The following IL16 variants were observed in gnomAD, a reference collection of about 807,000 sequenced individuals.
IL16 encodes the protein interleukin 16.
In IL16, 67 loss-of-function variants were observed where a neutral mutation model predicts 110.1. The ratio of observed to expected loss-of-function variants is 0.61; its 90% CI spans 0.50 to 0.75. The LOEUF is 0.75. Among genes scored for constraint, IL16 ranks in the 30% least tolerant of loss-of-function variants. The probability of loss-of-function intolerance (pLI) is 0.00; values close to 1 mark genes in which losing one functional copy is unlikely to be tolerated. For synonymous variants in IL16, 689 were observed against 662.9 expected (o/e 1.04, Z -0.61); for missense variants, 1,545 against 1,655.0 (o/e 0.93, Z 1.15).
At chr15:81,297,462 G>GC (rs1900045477) in intron 13 of IL16, among the ~76,000 whole-genome samples, 1 of 152,204 alleles carries the variant, frequency 6.6e-6, no homozygotes, top group African/African-American at 2.4e-5. Flanking sequence ...GTCAGAGAAT[G>GC]CAACGCCAGA....
At chr15:81,256,997 A>T (rs1475835474) in intron 2 of IL16, among the ~76,000 whole-genome samples, 1 of 152,242 alleles carries the variant, frequency 6.6e-6, no homozygotes, top group Non-Finnish European at 1.5e-5. Flanking sequence ...ATTGTGTTTT[A>T]TGAAGCATTG....
intron 1 of IL16, among the ~76,000 whole-genome samples, chr15:81,208,942 G>T: frequency 6.6e-6 from 1 of 152,136 alleles, no homozygotes; most frequent in East Asian, 1.9e-4. Flanking sequence ...ATCTCATATG[G>T]ATATTATAAG....
At chr15:81,288,829 A>ATGTGTATG (rs61227218) in intron 10 of IL16, among the ~76,000 whole-genome samples, 22,447 of 140,844 alleles carry the variant, frequency 0.16, 1,744 homozygotes, top group East Asian at 0.33. Flanking sequence ...TAGTATGTGT[A>ATGTGTATG]TGTGTGTGTG....
chr15:81,269,625 G>A lies in IL16; in HGVS notation c.652G>A (p.Val218Met), dbSNP rs376544346. 3.0e-5 allele frequency: 48 copies of A among 1,613,454 alleles called. No homozygotes were observed. The highest frequency in any genetic ancestry group is 3.6e-5 in the Non-Finnish European group (43 of 1,179,480). Residue 218 changes from valine to methionine, a missense_variant, in exon 5 of 19, where the codon GTG becomes ATG. Physicochemically the swap from Val to Met is conservative, Grantham distance 21 (BLOSUM62 1). Transcript: ENST00000683961. ...GLQASVISNI[V>M]LMKGQAKGLG... The stretch of plus-strand genomic sequence containing the variant: ...CCAGGCTTCAGTCATCTCCAACATC[G>A]TGCTGATGAAGGGCCAGGCTAAGGT...
chr15:81,299,514 A>G lies in IL16; in HGVS notation c.2188A>G (p.Ser730Gly). 6.2e-7 allele frequency: 1 copy of G among 1,614,210 alleles called. No individual in the cohort carries two copies. The highest frequency in any genetic ancestry group is 8.5e-7 in the Non-Finnish European group (1 of 1,180,026). The change falls in exon 14 of 19, where the codon AGT becomes GGT. Residue 730 changes from serine (S) to glycine (G), a missense_variant. Coordinates refer to ENST00000683961, the MANE Select transcript of IL16 (RefSeq NM_172217.5). The part of the protein sequence containing the change: ...CIKNLFSPIM[S>G]ENHGHMPLQP... ...CAAAAACTTATTTAGCCCCATCATG[A>G]GTGAGAACCATGGCCACATGCCTCT...
rs964294705 is a variant in IL16, at chr15:81,225,576, A to G, written c.177A>G (p.Ser59=). The change falls in exon 2 of 19, where the codon TCA becomes TCG. Residue 59 remains serine, a synonymous_variant. Transcript: ENST00000683961. ...LAQGKEGIFH[S]SVQLADTSEA... ...AGGGCAAGGAGGGAATTTTCCACTC[A>G]TCTGTGCAGCTGGCAGACACATCGG... 3 of 1,613,940 alleles carry G rather than the reference A, an allele frequency of 1.9e-6. No homozygotes were observed. Among genetic ancestry groups the G allele is most frequent in the Non-Finnish European group, 2.5e-6 (3 of 1,179,998 alleles).
At position 81,274,135 on chromosome 15, in the gene IL16, C is replaced by G. The variant is rs372047828; in HGVS notation, c.790+931C>G. ...GCATTTTCACTCTTCTCTGTCAGCT[C>G]GCTTTCTATAAGCTATGCTGGGAGC... On this transcript the variant is annotated intron_variant, in intron 6 of 18. Transcript: ENST00000683961. 9.2e-5 allele frequency among the ~76,000 whole-genome samples: 14 copies of G among 152,284 alleles called. No individual in the cohort carries two copies. In the East Asian group the frequency reaches 2.5e-3, roughly 27 times the overall value.
chr15:81,217,546 T>C (rs1160899678), intron 1 of IL16, among the ~76,000 whole-genome samples: 1 of 152,198 alleles, frequency 6.6e-6, no homozygotes, highest in Non-Finnish European at 1.5e-5. Context: ...CAGCTTCTCT[T>C]TGCTCTTTTT....
intron 1 of IL16, among the ~76,000 whole-genome samples, chr15:81,204,932 TAA>T (rs72071083): frequency 1.3e-5 from 2 of 151,724 alleles, no homozygotes; most frequent in Non-Finnish European, 2.9e-5. Context: ...ACCATGATGA[TAA>T]AAAAATTGAC....
At chr15:81,225,912 G>T (rs372605402) in intron 2 of IL16, among the ~76,000 whole-genome samples, 2 of 152,194 alleles carry the variant, frequency 1.3e-5, no homozygotes, top group African/African-American at 2.4e-5. Flanking sequence ...TAACACTCTT[G>T]CTTGAGAGGT....
intron 8 of IL16, among the ~76,000 whole-genome samples, chr15:81,281,272 T>C (rs964870566): frequency 6.6e-6 from 1 of 152,234 alleles, no homozygotes; most frequent in Non-Finnish European, 1.5e-5. Context: ...CTGTAAATCA[T>C]ACGTGTCGAA....
chr15:81,224,868 CT>C (rs1896735317), intron 1 of IL16, among the ~76,000 whole-genome samples: 1 of 152,170 alleles, frequency 6.6e-6, no homozygotes, highest in South Asian at 2.1e-4. Flanking sequence ...GTTTTCCCAT[CT>C]TTGGTCTGCT....
At position 81,306,528 on chromosome 15, in the gene IL16, T is replaced by C. The variant is rs1900571401; in HGVS notation, c.3788T>C (p.Ile1263Thr). 1 of 1,613,342 alleles carries C rather than the reference T, an allele frequency of 6.2e-7. No homozygotes were observed. The highest frequency in any genetic ancestry group is 1.3e-5 in the African/African-American group (1 of 75,044). ...GSLHGDKPLT[I>T]NRIFKGAASE... ...CTACACGGAGACAAGCCTCTCACCA[T>C]TAACAGGATTTTCAAAGGTGTGGGG... The change falls in exon 18 of 19, where the codon ATT becomes ACT. Residue 1263 changes from isoleucine (I) to threonine (T), a missense_variant. This residue lies in a region of IL16 where 356 missense variants were observed against 399.3 expected (regional missense o/e 0.89). Coordinates refer to ENST00000683961, the MANE Select transcript of IL16 (RefSeq NM_172217.5).
At chr15:81,306,699 T>G in intron 18 of IL16, 154 bp downstream of exon 18, 1 of 852,338 alleles carries the variant, frequency 1.2e-6, no homozygotes. Context: ...TCAATTCTGC[T>G]TTTTCTACTT....
In IL16 at chr15:81,313,326, G is replaced by A; in HGVS notation, c.*4528G>A. The A allele has an allele frequency of 6.3e-7, 1 of 1,579,598 alleles. No homozygotes were observed. Among genetic ancestry groups the A allele is most frequent in the Non-Finnish European group, 8.6e-7 (1 of 1,163,250 alleles). ...CCGGGTCATGCTGCGGGGGAAGAAGGAGTCCACCACGTTCTGTGGGAGGTA... is the reference window on the plus strand; with the variant it reads ...CCGGGTCATGCTGCGGGGGAAGAAGAAGTCCACCACGTTCTGTGGGAGGTA... On this transcript the variant is annotated 3_prime_UTR_variant, in exon 19 of 19. Coordinates refer to ENST00000683961, the MANE Select transcript of IL16 (RefSeq NM_172217.5).
At chr15:81,301,599 T>C (rs1222848514) in intron 15 of IL16, 87 bp downstream of exon 15, 1 of 1,190,042 alleles carries the variant, frequency 8.4e-7, no homozygotes, top group Non-Finnish European at 1.2e-6. Flanking sequence ...GGAAGTAGCT[T>C]GAGTAGCCTG....
intron 2 of IL16, among the ~76,000 whole-genome samples, chr15:81,235,521 GC>G (rs968708538): frequency 6.6e-6 from 1 of 151,920 alleles, no homozygotes; most frequent in African/African-American, 2.4e-5. Context: ...TTCCCACTAG[GC>G]CCCCCCTCCA....
rs1352251640 is a variant in IL16 at position 81,273,115 on chromosome 15, G to A, written c.701G>A (p.Gly234Glu). Residue 234 changes from glycine (G) to glutamate (E), a missense_variant, in exon 6 of 19, where the codon GGA becomes GAA. Physicochemically the swap from Gly to Glu is moderately conservative, Grantham distance 98 (BLOSUM62 -2). This residue lies in a region of IL16 where 1,185 missense variants were observed against 1,238.8 expected (regional missense o/e 0.96). Transcript: ENST00000683961. ...GGTCTGGGCTTCAGCATCGTTGGGG[G>A]AAAAGACAGCATTTATGGCCCCATT... ...AKGLGFSIVG[G>E]KDSIYGPIGI... 1 of 1,613,498 alleles carries A rather than the reference G, an allele frequency of 6.2e-7. No homozygotes were observed. Among genetic ancestry groups the A allele is most frequent in the South Asian group, 1.1e-5 (1 of 91,058 alleles).
chr15:81,279,819 T>G (rs1163162189), intron 8 of IL16, 45 bp downstream of exon 8: 1 of 1,519,426 alleles, frequency 6.6e-7, no homozygotes, highest in Non-Finnish European at 9.1e-7. Flanking sequence ...CTCCCAGCAC[T>G]GGCTGAGTCT....
Sources: gnomAD v4.1 joint callset for allele counts (sites outside exome capture counted in the v4.1 genomes callset) on GRCh38, gnomAD v4.1.1 for gene constraint, gnomAD v4.1.1 regional missense constraint, MANE v1.5 for transcripts, NCBI Gene and HGNC (gene_info 2026-07-23, HGNC 2026-07-21) for gene names.